URB1: variants seen among roughly 807,000 people sequenced by gnomAD.
URB1 encodes the protein nucleolar pre-ribosomal-associated protein 1.
Under a neutral mutation model 242.3 loss-of-function variants are expected in URB1, and 197 were observed. The ratio of observed to expected loss-of-function variants is 0.81; its 90% CI spans 0.72 to 0.91. URB1 has a LOEUF of 0.91. Ranked by LOEUF, URB1 falls within the 40% of genes least tolerant of loss-of-function variation. The pLI, the probability that URB1 is intolerant of heterozygous loss-of-function variation, is 0.00. For synonymous variants in URB1, 1,153 were observed against 1,201.8 expected (o/e 0.96, Z 0.84); for missense variants, 2,721 against 2,860.5 (o/e 0.95, Z 1.11).
intron 16 of URB1, among the ~76,000 whole-genome samples, 152 bp from the exon 17 acceptor site, chr21:32,355,149 T>C (rs544683842): frequency 3.9e-5 from 6 of 152,318 alleles, no homozygotes; most frequent in Admixed American, 3.3e-4. Context: ...CTAAACTTTT[T>C]ATTGTGGAGT....
chr21:32,318,465 T>A (rs777450538), intron 36 of URB1, among the ~76,000 whole-genome samples: 1 of 152,236 alleles, frequency 6.6e-6, no homozygotes, highest in Non-Finnish European at 1.5e-5. Flanking sequence ...CACCAGCATG[T>A]CTTCCGAAGA....
intron 4 of URB1, among the ~76,000 whole-genome samples, chr21:32,379,181 C>A (rs533433132): frequency 3.9e-5 from 6 of 152,352 alleles, no homozygotes; most frequent in Non-Finnish European, 7.4e-5. Flanking sequence ...GTGACAGCAG[C>A]CAGTGCCTCT....
chr21:32,346,835 A>G, intron 22 of URB1, 121 bp downstream of exon 22: 1 of 1,344,954 alleles, frequency 7.4e-7, no homozygotes, highest in African/African-American at 1.5e-5. Flanking sequence ...TGTGTCAGAC[A>G]CTGGAAACTA....
At chr21:32,372,404 C>A (rs1431470724) in intron 8 of URB1, 103 bp downstream of exon 8, 3 of 1,394,506 alleles carry the variant, frequency 2.2e-6, no homozygotes, top group South Asian at 3.0e-5. Context: ...ATAATGTCCA[C>A]AATTCTAGTT....
Position 32,337,523 on chromosome 21 carries a change from AAAC to A in URB1, c.4511-12_4511-10del, listed in dbSNP as rs1416914827. The A allele has an allele frequency of 6.4e-7, 1 of 1,551,082 alleles. No individual in the cohort carries two copies. Among genetic ancestry groups the A allele is most frequent in the African/African-American group, 1.4e-5 (1 of 72,996 alleles). ...CAGGTCCACCAGCGCTTCTGCAAGA[AAAC>A]AACCCTGAAACACATGGCATGGTGG... is the stretch of plus-strand genomic sequence containing the variant. On this transcript the variant is annotated splice_polypyrimidine_tract_variant and intron_variant, in intron 26 of 38. Transcript: ENST00000382751.
intron 36 of URB1, among the ~76,000 whole-genome samples, chr21:32,318,984 C>A (rs1029818823): frequency 6.6e-6 from 1 of 152,072 alleles, no homozygotes; most frequent in Non-Finnish European, 1.5e-5. Context: ...ATGTTAAGTT[C>A]TCGGGGTCTT....
rs576574356 is a variant in URB1 at position 32,328,472 on chromosome 21, A to G, written c.4961-3083T>C. Among the ~76,000 whole-genome samples, 6 of 152,296 alleles carry G rather than the reference A, an allele frequency of 3.9e-5. No homozygotes were observed. In the South Asian group the frequency reaches 6.2e-4, roughly 16 times the overall value. ...TATTTCTCACAAGTGACTGTTTTTG[A>G]TAAGAGGGAAAAAGAAATCCAAAAG... On this transcript the variant is annotated intron_variant, in intron 30 of 38. Transcript: ENST00000382751.
intron 26 of URB1, 53 bp from the exon 27 acceptor site, chr21:32,337,567 T>G: frequency 6.9e-7 from 1 of 1,452,856 alleles, no homozygotes; most frequent in Non-Finnish European, 9.4e-7. Flanking sequence ...ACACACTGAA[T>G]ACCAGAAGAG....
intron 28 of URB1, among the ~76,000 whole-genome samples, chr21:32,336,518 C>T (rs937897392): frequency 2.6e-5 from 4 of 152,132 alleles, no homozygotes; most frequent in African/African-American, 7.2e-5. Flanking sequence ...TGCTTAGGTG[C>T]GGCACTTGTA....
intron 24 of URB1, among the ~76,000 whole-genome samples, chr21:32,342,693 G>GGC (rs57179599): frequency 1 from 147,726 of 147,730 alleles, 73,862 homozygotes; most frequent in Middle Eastern, 1. Flanking sequence ...CGGAACCCTG[G>GGC]TCAGGATCTC....
Position 32,337,433 on chromosome 21 carries a change from C to A in URB1, c.4592G>T (p.Gly1531Val). 6.4e-7 allele frequency: 1 copy of A among 1,551,728 alleles called. No individual in the cohort carries two copies. The highest frequency in any genetic ancestry group is 8.7e-7 in the Non-Finnish European group (1 of 1,147,004). ...CESSHFAVLL[G>V]AYGATLSVLD... is the part of the protein sequence containing the mutation. ...GACGCTGAGAGTGGCGCCATAGGCC[C>A]CGAGAAGCACTGCAAAGTGGCTGCT... The change falls in exon 27 of 39, where the codon GGG (glycine) becomes GTG (valine). Residue 1531 changes from glycine (G) to valine (V), a missense_variant. Physicochemically the swap from Gly to Val is moderately radical, Grantham distance 109. Transcript: ENST00000382751.
chr21:32,337,133 C>G lies in URB1; in HGVS notation c.4646G>C (p.Arg1549Pro). Residue 1549 changes from arginine (R) to proline (P), a missense_variant, in exon 28 of 39, where the codon CGA becomes CCA. Coordinates refer to ENST00000382751, the MANE Select transcript of URB1 (RefSeq NM_014825.3). ...VLDQKILLLL[R>P]AYEQNKLSLI... ...GCTGAGCTTGTTCTGCTCATACGCT[C>G]GAAGCAGAAGTAAAATCTTCTGATC... 2 of 1,551,830 alleles carry G rather than the reference C, an allele frequency of 1.3e-6. No homozygotes were observed. The highest frequency in any genetic ancestry group is 1.7e-6 in the Non-Finnish European group (2 of 1,147,036).
intron 12 of URB1, among the ~76,000 whole-genome samples, chr21:32,361,499 C>T (rs751176569): frequency 2.5e-4 from 37 of 148,934 alleles, no homozygotes; most frequent in South Asian, 8.3e-4. Flanking sequence ...GCAGGGCTGC[C>T]GAAAGGATGA....
At chr21:32,350,139 AGAGG>A (rs34564878) in intron 20 of URB1, among the ~76,000 whole-genome samples, 3 of 133,986 alleles carry the variant, frequency 2.2e-5, no homozygotes, top group African/African-American at 8.3e-5. Flanking sequence ...AAAAAAAAAA[AGAGG>A]GAGGGAGGGC....
rs998982180 is a variant in URB1, at chr21:32,352,123, G to A, written c.2613+587C>T. Among the ~76,000 whole-genome samples, 7 of 152,122 alleles carry A rather than the reference G, an allele frequency of 4.6e-5. No homozygotes were observed. The South Asian group carries it at 1.0e-3, about 23-fold the overall frequency. Reference sequence around the variant, plus strand: ...GAGGGTCTAAACTGACTGCTTTTTCGAATGCAGCTAAAATGAAATGAATGC... The same window carrying A: ...GAGGGTCTAAACTGACTGCTTTTTCAAATGCAGCTAAAATGAAATGAATGC... On this transcript the variant is annotated intron_variant, in intron 19 of 38. Transcript: ENST00000382751.
chr21:32,317,231 C>T (rs563795245), intron 37 of URB1, among the ~76,000 whole-genome samples, 166 bp from the exon 38 acceptor site: 11 of 152,318 alleles, frequency 7.2e-5, no homozygotes, highest in South Asian at 2.1e-4. Flanking sequence ...TGTTTCACTA[C>T]GCCTGTCATC....
At chr21:32,372,109 A>G (rs1358718329) in intron 8 of URB1, among the ~76,000 whole-genome samples, 1 of 152,206 alleles carries the variant, frequency 6.6e-6, no homozygotes, top group Non-Finnish European at 1.5e-5. Flanking sequence ...CGACCTCTCT[A>G]GAACTACTTT....
At chr21:32,373,249 A>T (rs1020800255) in intron 7 of URB1, among the ~76,000 whole-genome samples, 2 of 152,138 alleles carry the variant, frequency 1.3e-5, no homozygotes, top group African/African-American at 4.8e-5. Flanking sequence ...AAACAAACAA[A>T]CAAACAAAAA....
Position 32,350,936 on chromosome 21 carries a change from C to A in URB1, c.2614-14G>T, listed in dbSNP as rs374623768. 37 of 1,539,072 alleles carry A rather than the reference C, an allele frequency of 2.4e-5. No individual in the cohort carries two copies. The highest frequency in any genetic ancestry group is 3.0e-5 in the Non-Finnish European group (34 of 1,144,064). Reference sequence around the variant, plus strand: ...TGCCTGCAGCAGCTGAGGGAGACAGCAAAAGGCCGGGGAAGAGAAAGACAC... The same window carrying A: ...TGCCTGCAGCAGCTGAGGGAGACAGAAAAAGGCCGGGGAAGAGAAAGACAC... On this transcript the variant is annotated splice_polypyrimidine_tract_variant and intron_variant, in intron 19 of 38. Coordinates refer to ENST00000382751, the MANE Select transcript of URB1 (RefSeq NM_014825.3).
Sources: gnomAD v4.1 joint callset for allele counts (sites outside exome capture counted in the v4.1 genomes callset) on GRCh38, gnomAD v4.1.1 for gene constraint, MANE v1.5 for transcripts, NCBI Gene and HGNC (gene_info 2026-07-23, HGNC 2026-07-21) for gene names.